The following CNTNAP4 variants were observed in gnomAD, a reference collection of about 807,000 sequenced individuals.
CNTNAP4 encodes the protein contactin associated protein family member 4.
CNTNAP4 carries 98 observed loss-of-function variants against 148.4 expected under a neutral mutation model. The ratio of observed to expected loss-of-function variants is 0.66; its 90% confidence interval spans 0.56 to 0.78. CNTNAP4 has a LOEUF of 0.78. Among genes scored for constraint, CNTNAP4 ranks in the 30% least tolerant of loss-of-function variants. The pLI is 0.00. For missense variants in CNTNAP4, 1,935 were observed against 1,565.6 expected (o/e 1.24, Z -3.98); for synonymous variants, 730 against 565.1 (o/e 1.29, Z -4.14).
intron 4 of CNTNAP4, among the ~76,000 whole-genome samples, chr16:76,435,350 C>G (rs928089631): frequency 6.6e-6 from 1 of 152,160 alleles, no homozygotes; most frequent in Admixed American, 6.6e-5. Context: ...TGCCAGAGCT[C>G]TATACAAGTC....
At chr16:76,327,674 G>T (rs1963128348) in intron 2 of CNTNAP4, among the ~76,000 whole-genome samples, 2 of 152,164 alleles carry the variant, frequency 1.3e-5, no homozygotes, top group African/African-American at 4.8e-5. Context: ...ATTGATGGAT[G>T]GCCTTCCCCT....
At chr16:76,383,421 G>A (rs967362742) in intron 3 of CNTNAP4, among the ~76,000 whole-genome samples, 9 of 146,818 alleles carry the variant, frequency 6.1e-5, no homozygotes, top group African/African-American at 2.0e-4. Flanking sequence ...AACGTATCAT[G>A]TAACAACAGA....
chr16:76,465,316 T>C (rs1484883191), intron 9 of CNTNAP4, among the ~76,000 whole-genome samples: 1 of 152,210 alleles, frequency 6.6e-6, no homozygotes, highest in East Asian at 1.9e-4. Flanking sequence ...TTGCTGCCTC[T>C]TATCATAGAC....
chr16:76,415,915 A>G (rs1363775493), intron 3 of CNTNAP4, among the ~76,000 whole-genome samples: 2 of 118,524 alleles, frequency 1.7e-5, no homozygotes, highest in Non-Finnish European at 3.8e-5. Flanking sequence ...TTCCCATTGT[A>G]TAGATATACT....
intron 4 of CNTNAP4, among the ~76,000 whole-genome samples, chr16:76,434,932 C>T (rs1329689661): frequency 1.3e-5 from 2 of 152,136 alleles, no homozygotes; most frequent in African/African-American, 4.8e-5. Flanking sequence ...AACTGGAGCA[C>T]CACAATGATG....
At chr16:76,398,115 G>A (rs1276768690) in intron 3 of CNTNAP4, among the ~76,000 whole-genome samples, 1 of 150,224 alleles carries the variant, frequency 6.7e-6, no homozygotes, top group Non-Finnish European at 1.5e-5. Context: ...CAATGTTTGA[G>A]AGTAGGAAGC....
chr16:76,482,160 CT>C, intron 12 of CNTNAP4, among the ~76,000 whole-genome samples: 1 of 151,980 alleles, frequency 6.6e-6, no homozygotes, highest in Middle Eastern at 3.4e-3. Context: ...GCATATTGTA[CT>C]TTATAAGATA....
At chr16:76,523,721 T>G (rs1055359746) in intron 17 of CNTNAP4, among the ~76,000 whole-genome samples, 2 of 152,104 alleles carry the variant, frequency 1.3e-5, no homozygotes, top group African/African-American at 2.4e-5. Context: ...GGCCAGGAGT[T>G]TGAGACCAGC....
intron 3 of CNTNAP4, among the ~76,000 whole-genome samples, chr16:76,427,087 C>T (rs980348491): frequency 1.3e-5 from 2 of 152,048 alleles, no homozygotes; most frequent in African/African-American, 4.8e-5. Flanking sequence ...GTTTTTCAAC[C>T]CTTGGAGAAT....
intron 4 of CNTNAP4, 85 bp from the exon 5 acceptor site, chr16:76,447,927 C>A (rs35839511): frequency 0.35 from 347,709 of 980,376 alleles, 64,834 homozygotes; most frequent in East Asian, 0.4. Flanking sequence ...CGTATACTGC[C>A]TTTTCTCAAT....
At chr16:76,438,680 C>T (rs2145129038) in intron 4 of CNTNAP4, among the ~76,000 whole-genome samples, 1 of 152,188 alleles carries the variant, frequency 6.6e-6, no homozygotes, top group East Asian at 1.9e-4. Context: ...TCCAGCTCGC[C>T]ACTGTCTCTC....
intron 8 of CNTNAP4, among the ~76,000 whole-genome samples, chr16:76,459,228 A>G (rs2080847890): frequency 6.6e-6 from 1 of 152,234 alleles, no homozygotes; most frequent in African/African-American, 2.4e-5. Context: ...AGTGAAATCT[A>G]TCTTAAAGGA....
chr16:76,495,500 C>T (rs1321610051), intron 14 of CNTNAP4, among the ~76,000 whole-genome samples: 2 of 151,880 alleles, frequency 1.3e-5, no homozygotes, highest in East Asian at 1.9e-4. Flanking sequence ...TTTAAAAAGA[C>T]AAATCATACC....
At chr16:76,297,334 C>T (rs1405082693) in intron 1 of CNTNAP4, among the ~76,000 whole-genome samples, 1 of 152,092 alleles carries the variant, frequency 6.6e-6, no homozygotes, top group Admixed American at 6.6e-5. Flanking sequence ...AAATTCCCCA[C>T]ATCACAAAGT....
chr16:76,385,606 G>C (rs570818304), intron 3 of CNTNAP4, among the ~76,000 whole-genome samples: 1 of 151,702 alleles, frequency 6.6e-6, no homozygotes, highest in South Asian at 2.1e-4. Flanking sequence ...CTCATTATGC[G>C]TGGAAATTAT....
At chr16:76,419,044 G>A (rs1478241127) in intron 3 of CNTNAP4, among the ~76,000 whole-genome samples, 1 of 151,982 alleles carries the variant, frequency 6.6e-6, no homozygotes, top group Admixed American at 6.6e-5. Flanking sequence ...GTGGTTCGAT[G>A]TGTAAGAGGA....
At position 76,539,736 on chromosome 16, in the gene CNTNAP4, T is replaced by C; in HGVS notation, c.3238T>C (p.Tyr1080His). ...IAKNGSLQIRYKLNKYQEPDV... is the reference protein window; with the variant it reads ...IAKNGSLQIRHKLNKYQEPDV... ...CACTCTAGGAAGTTTGCAGATCAGG[T>C]ACAAGTTAAATAAATATCAAGAGCC... The change falls in exon 20 of 24, where the codon TAC (tyrosine) becomes CAC (histidine). Residue 1080 changes from tyrosine (Y) to histidine (H), a missense_variant. Transcript: ENST00000611870. The C allele has an allele frequency of 6.3e-7, 1 of 1,598,558 alleles. No homozygotes were observed.
At chr16:76,446,272 T>C (rs1213168615) in intron 4 of CNTNAP4, among the ~76,000 whole-genome samples, 1 of 152,200 alleles carries the variant, frequency 6.6e-6, no homozygotes, top group Non-Finnish European at 1.5e-5. Context: ...AACTGGAATG[T>C]CATTTCGTTG....
rs368799176 is a variant in CNTNAP4 at position 76,458,659 on chromosome 16, T to C, written c.1334-3297T>C. 3.8e-4 allele frequency among the ~76,000 whole-genome samples: 58 copies of C among 152,222 alleles called. 1 individual carries two copies. The South Asian group carries it at 0.011, about 30-fold the overall frequency. The stretch of plus-strand genomic sequence containing the variant: ...GATCTGATAGGAGGCAGAGCTCAGG[T>C]GGTAATGCAAGTGATAGGAGCAGCT... On this transcript the variant is annotated intron_variant, in intron 8 of 23. Transcript: ENST00000611870.
Sources: allele counts gnomAD v4.1 joint callset (sites outside exome capture counted in the v4.1 genomes callset), GRCh38; gene constraint gnomAD v4.1.1; transcripts MANE v1.5; gene names NCBI Gene and HGNC (gene_info 2026-07-23, HGNC 2026-07-21).